Variants in FBN2 observed in about 807,000 individuals in gnomAD.
The protein encoded by FBN2 is fibrillin-2.
A neutral mutation model predicts 355.6 loss-of-function variants in FBN2; 105 were observed. The ratio of observed to expected loss-of-function variants is 0.30; its 90% CI spans 0.25 to 0.35. The LOEUF is 0.35. Among genes scored for constraint, FBN2 ranks in the 10% least tolerant of loss-of-function variants. FBN2 has a pLI of 1.00. For missense variants in FBN2, 3,280 were observed against 3,758.7 expected (o/e 0.87, Z 3.33); for synonymous variants, 1,350 against 1,301.2 (o/e 1.04, Z -0.81).
intron 5 of FBN2, among the ~76,000 whole-genome samples, chr5:128,484,122 T>C (rs544020105): frequency 1.3e-5 from 2 of 152,364 alleles, no homozygotes; most frequent in African/African-American, 4.8e-5. Context: ...ATTATAGCTA[T>C]TTTTCACAAA....
intron 7 of FBN2, among the ~76,000 whole-genome samples, chr5:128,423,544 G>T (rs1029875666): frequency 2.0e-5 from 3 of 152,130 alleles, no homozygotes; most frequent in African/African-American, 7.2e-5. Flanking sequence ...AATAAATGGG[G>T]ATTATTGCAA....
chr5:128,499,791 ATTCT>A (rs1419042040), intron 5 of FBN2, among the ~76,000 whole-genome samples: 3 of 151,888 alleles, frequency 2.0e-5, no homozygotes, highest in Non-Finnish European at 2.9e-5. Flanking sequence ...TCAGAACTTA[ATTCT>A]TTTTTTTTTT....
In FBN2 at chr5:128,344,545, T is replaced by C. The variant is rs751775424; in HGVS notation, c.3218-35A>G. ...GAATGAAGCCAGAATGTAGAGCCGG[T>C]TGATATAAACGATTAGGTCCATCAC... On this transcript the variant is annotated intron_variant, in intron 24 of 64. Transcript: ENST00000262464. 90 of 1,609,812 alleles carry C rather than the reference T, an allele frequency of 5.6e-5. No individual in the cohort carries two copies. The South Asian group carries it at 7.6e-4, about 14-fold the overall frequency.
intron 15 of FBN2, among the ~76,000 whole-genome samples, chr5:128,371,458 C>T (rs1751935927): frequency 1.1e-5 from 1 of 89,196 alleles, no homozygotes; most frequent in Non-Finnish European, 2.4e-5. Context: ...CTCTTTTTCT[C>T]CTTCCTTCCT....
At position 128,381,877 on chromosome 5, in the gene FBN2, C is replaced by G. The variant is rs558253414; in HGVS notation, c.1604-2987G>C. ...TGTACAGACAAAATTTGAGCTAAGC[C>G]TAATTTAATAACTCTGATCTTGTAG... On this transcript the variant is annotated intron_variant, in intron 11 of 64. Coordinates refer to ENST00000262464, the MANE Select transcript of FBN2 (RefSeq NM_001999.4). Among the ~76,000 whole-genome samples the G allele has an allele frequency of 2.0e-3, 301 of 152,140 alleles. 1 individual carries two copies. The highest frequency in any genetic ancestry group is 3.2e-3 in the Non-Finnish European group (219 of 67,956).
intron 2 of FBN2, among the ~76,000 whole-genome samples, chr5:128,532,520 G>A (rs562042697): frequency 1.3e-5 from 2 of 152,146 alleles, no homozygotes; most frequent in Admixed American, 6.5e-5. Flanking sequence ...CAAGGGCTGT[G>A]TACTTTAATG....
intron 4 of FBN2, 69 bp downstream of exon 4, chr5:128,527,803 C>T (rs1756600586): frequency 9.0e-6 from 10 of 1,110,758 alleles, no homozygotes; most frequent in Non-Finnish European, 1.2e-5. Flanking sequence ...ATTTATGAGA[C>T]CTTAAATTAT....
At chr5:128,459,715 CAT>C (rs1754504947) in intron 6 of FBN2, among the ~76,000 whole-genome samples, 1 of 152,194 alleles carries the variant, frequency 6.6e-6, no homozygotes, top group Non-Finnish European at 1.5e-5. Context: ...ACAAAAACCA[CAT>C]GATTATCTCA....
rs968986056 is a variant in FBN2, at chr5:128,366,299, C to G, written c.2302+78G>C. The G allele has an allele frequency of 4.3e-6, 3 of 692,226 alleles. No homozygotes were observed. The Admixed American group carries it at 6.9e-5, about 16-fold the overall frequency. The allele number at this position is 692,226 out of a possible 1,614,324, so 42.9% of individuals were successfully genotyped here. On this transcript the variant is annotated intron_variant, in intron 17 of 64. Coordinates refer to ENST00000262464, the MANE Select transcript of FBN2 (RefSeq NM_001999.4). ...ATACTACATTTTCATATTAAATATA[C>G]TCATATTAATATTAGAATTATAAAG...
chr5:128,302,936 G>T, intron 46 of FBN2, 37 bp downstream of exon 46: 2 of 1,111,700 alleles, frequency 1.8e-6, no homozygotes, highest in South Asian at 1.2e-5. Context: ...GTGTGGAAAT[G>T]AAATAGAAGC....
chr5:128,377,997 GTC>G (rs1228692061), intron 12 of FBN2, 120 bp from the exon 13 acceptor site: 64 of 843,030 alleles, frequency 7.6e-5, no homozygotes, highest in Non-Finnish European at 1.0e-4. Context: ...CAAAATTTCT[GTC>G]TCTCAGCAGT....
intron 44 of FBN2, 53 bp downstream of exon 44, chr5:128,305,458 A>T: frequency 1.2e-6 from 2 of 1,604,114 alleles, no homozygotes; most frequent in Middle Eastern, 3.3e-4. Context: ...TTTGATAGGA[A>T]ATCTAAGGAA....
rs17676891 is a variant in FBN2, at chr5:128,379,091, T to G, written c.1604-201A>C. Among the ~76,000 whole-genome samples, 9,770 of 152,204 alleles carry G rather than the reference T, an allele frequency of 0.064. 408 individuals are homozygous for G. The highest frequency in any genetic ancestry group is 0.088 in the Non-Finnish European group (6,001 of 67,980). On this transcript the variant is annotated intron_variant, in intron 11 of 64. Coordinates refer to ENST00000262464, the MANE Select transcript of FBN2 (RefSeq NM_001999.4). ...TTGAGGATTTACAAAAATATCACCTTTTAGAGAGTACCATGGGAATTTGCT... is the reference window on the plus strand; with the variant it reads ...TTGAGGATTTACAAAAATATCACCTGTTAGAGAGTACCATGGGAATTTGCT...
Position 128,287,402 on chromosome 5 carries a change from C to A in FBN2, c.6786G>T (p.Leu2262=), listed in dbSNP as rs1330729278. ...EDINECAQNP[L]LCAFRCMNTF... The stretch of plus-strand genomic sequence containing the variant: ...TGTTCATGCAGCGGAAAGCACACAG[C>A]AGTGGGTTCTGGGCACATTCGTTGA... Residue 2262 remains leucine, a synonymous_variant, in exon 54 of 65, where the codon CTG becomes CTT. Transcript: ENST00000262464. 1 of 1,613,996 alleles carries A rather than the reference C, an allele frequency of 6.2e-7. No individual in the cohort carries two copies.
intron 62 of FBN2, among the ~76,000 whole-genome samples, chr5:128,266,458 G>T (rs982878307): frequency 6.6e-6 from 1 of 152,142 alleles, no homozygotes; most frequent in Non-Finnish European, 1.5e-5. Context: ...TCCTTTGGGG[G>T]TGACTGCCTT....
chr5:128,269,875 G>A (rs899962121), intron 62 of FBN2, among the ~76,000 whole-genome samples: 2 of 152,010 alleles, frequency 1.3e-5, no homozygotes, highest in Non-Finnish European at 1.5e-5. Context: ...AAAGAAGAGC[G>A]TGTATAGCCA....
intron 5 of FBN2, among the ~76,000 whole-genome samples, chr5:128,467,768 C>G (rs1180492022): frequency 6.6e-6 from 1 of 152,056 alleles, no homozygotes; most frequent in Non-Finnish European, 1.5e-5. Context: ...ATGACATGAC[C>G]AAGAAAATTT....
chr5:128,498,368 T>A (rs942968850), intron 5 of FBN2, among the ~76,000 whole-genome samples: 20 of 152,226 alleles, frequency 1.3e-4, no homozygotes, highest in Non-Finnish European at 2.5e-4. Flanking sequence ...TTTCCCAAAG[T>A]ACCTTCCTCA....
At chr5:128,431,056 C>A (rs1026200707) in intron 7 of FBN2, among the ~76,000 whole-genome samples, 1 of 152,006 alleles carries the variant, frequency 6.6e-6, no homozygotes, top group African/African-American at 2.4e-5. Flanking sequence ...CAGGAATGCC[C>A]AGGTTTTAAT....
Sources: gnomAD v4.1 joint callset for allele counts (sites outside exome capture counted in the v4.1 genomes callset) on GRCh38, gnomAD v4.1.1 for gene constraint, MANE v1.5 for transcripts, NCBI Gene and HGNC (gene_info 2026-07-23, HGNC 2026-07-21) for gene names.